The following RMST variants were observed in gnomAD, a reference collection of about 807,000 sequenced individuals.
The protein encoded by RMST is rhabdomyosarcoma 2 associated transcript.
At chr12:97,470,268 G>A (rs1873750885) in intron 5 of RMST, among the ~76,000 whole-genome samples, 1 of 152,090 alleles carries the variant, frequency 6.6e-6, no homozygotes. Context: ...GTTTGTAGGT[G>A]TGCCCAACTG....
chr12:97,471,751 C>T (rs1367494018), intron 5 of RMST, among the ~76,000 whole-genome samples: 1 of 152,154 alleles, frequency 6.6e-6, no homozygotes, highest in East Asian at 1.9e-4. Context: ...CAATATTTAG[C>T]CTCTGTGATT....
chr12:97,512,000 C>T (rs1010652739), intron 10 of RMST, among the ~76,000 whole-genome samples: 3 of 152,210 alleles, frequency 2.0e-5, no homozygotes, highest in African/African-American at 7.2e-5. Flanking sequence ...CGGACCCTCG[C>T]AGTGAGTGTT....
chr12:97,554,932 A>T (rs181519162), intron 11 of RMST, among the ~76,000 whole-genome samples: 2 of 152,332 alleles, frequency 1.3e-5, no homozygotes, highest in East Asian at 3.9e-4. Context: ...ATATGAAAGC[A>T]GGCAGCTGGG....
intron 11 of RMST, among the ~76,000 whole-genome samples, chr12:97,539,674 T>C (rs1349762586): frequency 1.3e-5 from 2 of 151,646 alleles, no homozygotes; most frequent in African/African-American, 4.8e-5. Flanking sequence ...GAACGTGTTT[T>C]GTGTAAGACT....
In RMST at chr12:97,500,607, G is replaced by T. The variant is rs116343958; in HGVS notation, n.1340+4551G>T. On this transcript the variant is annotated intron_variant and non_coding_transcript_variant, in intron 10 of 13. Coordinates refer to ENST00000640149, the Ensembl canonical transcript of RMST. ...CACTTAACAGTTGAAGAAACTGAGG[G>T]CCGTCTGACACCAAAGCCAATATTA... Among the ~76,000 whole-genome samples the T allele has an allele frequency of 7.8e-3, 1,187 of 152,260 alleles. 15 individuals carry two copies. The highest frequency in any genetic ancestry group is 0.028 in the African/African-American group (1,152 of 41,550).
At chr12:97,468,502 A>G (rs991703416) in intron 5 of RMST, among the ~76,000 whole-genome samples, 1 of 151,970 alleles carries the variant, frequency 6.6e-6, no homozygotes, top group African/African-American at 2.4e-5. Context: ...GTTAGTTGAC[A>G]TTATTTAAGC....
intron 10 of RMST, among the ~76,000 whole-genome samples, chr12:97,508,943 C>T (rs1472959301): frequency 6.6e-6 from 1 of 152,174 alleles, no homozygotes; most frequent in South Asian, 2.1e-4. Context: ...TAAAAGAAGA[C>T]AAATATTTAG....
intron 10 of RMST, among the ~76,000 whole-genome samples, chr12:97,500,790 T>A (rs7295434): frequency 0.032 from 4,907 of 152,300 alleles, 270 homozygotes; most frequent in African/African-American, 0.11. Context: ...AACACTCCAC[T>A]GCACTAACTT....
intron 5 of RMST, among the ~76,000 whole-genome samples, chr12:97,485,834 C>T (rs73384757): frequency 0.029 from 4,438 of 152,320 alleles, 243 homozygotes; most frequent in African/African-American, 0.1. Context: ...CAGGGCATTT[C>T]AGCAAGCCTT....
intron 10 of RMST, among the ~76,000 whole-genome samples, chr12:97,503,504 T>C (rs747790516): frequency 6.6e-6 from 1 of 151,338 alleles, no homozygotes; most frequent in African/African-American, 2.4e-5. Flanking sequence ...AATAAGCACT[T>C]TGAGGACTAA....
At chr12:97,541,397 A>G (rs1403987090) in intron 11 of RMST, 1 of 151,780 alleles carries the variant, frequency 6.6e-6, no homozygotes, top group African/African-American at 2.4e-5. Context: ...GGCAAACAAA[A>G]ATGTCTTAAG....
intron 10 of RMST, among the ~76,000 whole-genome samples, chr12:97,505,960 T>C (rs1185762268): frequency 6.6e-6 from 1 of 152,200 alleles, no homozygotes; most frequent in Non-Finnish European, 1.5e-5. Flanking sequence ...ATGTAATACA[T>C]GCAGGTGTGA....
chr12:97,522,089 C>T (rs1004983073), intron 10 of RMST, among the ~76,000 whole-genome samples: 6 of 152,226 alleles, frequency 3.9e-5, no homozygotes, highest in Non-Finnish European at 5.9e-5. Context: ...AGTCGATCAA[C>T]ACACACCATT....
At chr12:97,563,807 G>T (rs532739961) in intron 13 of RMST, 8 of 503,210 alleles carry the variant, frequency 1.6e-5, no homozygotes, top group African/African-American at 1.6e-4. Context: ...TTTTGCATCC[G>T]ACCAAGATAA....
chr12:97,467,173 G>T (rs1873289986), intron 5 of RMST, among the ~76,000 whole-genome samples: 2 of 151,984 alleles, frequency 1.3e-5, no homozygotes. Flanking sequence ...TGTTGTTATA[G>T]CTATCTTCTT....
At chr12:97,478,199 C>G (rs1178386638) in intron 5 of RMST, among the ~76,000 whole-genome samples, 1 of 152,134 alleles carries the variant, frequency 6.6e-6, no homozygotes, top group Non-Finnish European at 1.5e-5. Context: ...ATGGAAGGCT[C>G]TTTGTATAGC....
intron 4 of RMST, among the ~76,000 whole-genome samples, chr12:97,463,766 G>GATT (rs1354681810): frequency 6.6e-6 from 1 of 152,044 alleles, no homozygotes; most frequent in Non-Finnish European, 1.5e-5. Flanking sequence ...GATTATGATG[G>GATT]TATGTTTTCA....
At chr12:97,484,724 A>G (rs1165718946) in intron 5 of RMST, among the ~76,000 whole-genome samples, 1 of 152,222 alleles carries the variant, frequency 6.6e-6, no homozygotes, top group Admixed American at 6.5e-5. Context: ...TTCAAGCTAT[A>G]TATAACTCTT....
intron 11 of RMST, among the ~76,000 whole-genome samples, chr12:97,531,054 C>CATAACTA (rs1555233161): frequency 6.8e-6 from 1 of 147,788 alleles, no homozygotes; most frequent in South Asian, 2.1e-4. Context: ...TATAACTAAA[C>CATAACTA]AGCTTTTGAT....
Sources: allele counts gnomAD v4.1 joint callset (sites outside exome capture counted in the v4.1 genomes callset), GRCh38; gene constraint gnomAD v4.1.1; transcripts MANE v1.5; gene names NCBI Gene and HGNC (gene_info 2026-07-23, HGNC 2026-07-21).